NKAIN3: variants seen among roughly 807,000 people sequenced by gnomAD.
The protein encoded by NKAIN3 is sodium/potassium transporting ATPase interacting 3.
Under a neutral mutation model 30.2 loss-of-function variants are expected in NKAIN3, and 25 were observed. The observed-to-expected ratio is 0.83, with a 90% CI of 0.60 to 1.16. The LOEUF (loss-of-function observed/expected upper bound fraction) is 1.16. Ranked by LOEUF, NKAIN3 falls within the 50% of genes most tolerant of loss-of-function variation. The pLI, the probability that NKAIN3 is intolerant of heterozygous loss-of-function variation, is 0.00. For missense variants in NKAIN3, 225 were observed against 254.1 expected (o/e 0.89, Z 0.78); for synonymous variants, 91 against 89.6 (o/e 1.02, Z -0.09).
chr8:62,643,821 GTT>G (rs1173705475), intron 3 of NKAIN3, among the ~76,000 whole-genome samples: 3 of 148,456 alleles, frequency 2.0e-5, no homozygotes, highest in African/African-American at 7.8e-5. Flanking sequence ...ATCTCTTGTT[GTT>G]TTTTATATAT....
At chr8:62,344,647 T>C (rs73684960) in intron 1 of NKAIN3, among the ~76,000 whole-genome samples, 5,952 of 152,048 alleles carry the variant, frequency 0.039, 415 homozygotes, top group African/African-American at 0.14. Flanking sequence ...GTGGGAAGGG[T>C]GAACTGTGAT....
chr8:62,576,689 G>A (rs1453146234), intron 1 of NKAIN3, among the ~76,000 whole-genome samples: 1 of 152,098 alleles, frequency 6.6e-6, no homozygotes, highest in African/African-American at 2.4e-5. Context: ...CATCATGGCA[G>A]ACATCAAGTT....
chr8:62,932,892 G>C (rs1263043071), intron 5 of NKAIN3, among the ~76,000 whole-genome samples: 3 of 151,796 alleles, frequency 2.0e-5, no homozygotes, highest in Non-Finnish European at 4.4e-5. Context: ...CACCCGGCTG[G>C]AGAATTCCAA....
At chr8:62,380,166 G>A (rs1817227177) in intron 1 of NKAIN3, among the ~76,000 whole-genome samples, 1 of 152,228 alleles carries the variant, frequency 6.6e-6, no homozygotes, top group Non-Finnish European at 1.5e-5. Flanking sequence ...TCTGCCTAAA[G>A]AATGAAATAT....
At chr8:62,270,364 G>T (rs770396999) in intron 1 of NKAIN3, among the ~76,000 whole-genome samples, 15 of 152,102 alleles carry the variant, frequency 9.9e-5, no homozygotes, top group Non-Finnish European at 1.6e-4. Context: ...TTACAGTCAT[G>T]AGCCCCTGGG....
chr8:62,885,085 T>G (rs1171728137), intron 4 of NKAIN3, among the ~76,000 whole-genome samples: 1 of 152,194 alleles, frequency 6.6e-6, no homozygotes. Context: ...AGATTATTTA[T>G]TTTATATGTT....
At chr8:62,789,019 CT>C (rs1479738241) in intron 4 of NKAIN3, among the ~76,000 whole-genome samples, 2 of 152,038 alleles carry the variant, frequency 1.3e-5, no homozygotes, top group East Asian at 1.9e-4. Context: ...AATGCGGGCT[CT>C]TTTTTGGTTC....
chr8:62,312,487 C>T (rs1814475442), intron 1 of NKAIN3, among the ~76,000 whole-genome samples: 1 of 150,452 alleles, frequency 6.6e-6, no homozygotes, highest in Non-Finnish European at 1.5e-5. Context: ...GGCAAATATG[C>T]AACCTCCTCA....
intron 3 of NKAIN3, among the ~76,000 whole-genome samples, chr8:62,649,554 G>A (rs1793089811): frequency 6.6e-6 from 1 of 152,098 alleles, no homozygotes; most frequent in Non-Finnish European, 1.5e-5. Context: ...TACTACAGAA[G>A]CAAAAAAATC....
chr8:62,899,364 A>T (rs1400324038), intron 4 of NKAIN3, among the ~76,000 whole-genome samples: 2 of 152,244 alleles, frequency 1.3e-5, no homozygotes, highest in Non-Finnish European at 2.9e-5. Context: ...GATAAAGAAA[A>T]TGTGGTACAT....
intron 1 of NKAIN3, among the ~76,000 whole-genome samples, chr8:62,458,827 T>C (rs1805899480): frequency 6.6e-6 from 1 of 152,214 alleles, no homozygotes; most frequent in Non-Finnish European, 1.5e-5. Flanking sequence ...GGAAAGGGCA[T>C]ATGTGGCTGA....
At chr8:62,914,326 G>A (rs932348891) in intron 4 of NKAIN3, among the ~76,000 whole-genome samples, 7 of 151,984 alleles carry the variant, frequency 4.6e-5, no homozygotes, top group Non-Finnish European at 1.0e-4. Context: ...AGAAACAATA[G>A]ACACTGGGGC....
intron 3 of NKAIN3, among the ~76,000 whole-genome samples, chr8:62,630,603 A>G (rs1469948116): frequency 6.6e-6 from 1 of 152,190 alleles, no homozygotes; most frequent in Non-Finnish European, 1.5e-5. Context: ...CCAGAACACC[A>G]TGCATCCTCT....
chr8:62,919,010 G>A (rs1822191532), intron 5 of NKAIN3, among the ~76,000 whole-genome samples: 1 of 150,390 alleles, frequency 6.6e-6, no homozygotes, highest in Non-Finnish European at 1.5e-5. Flanking sequence ...AAATTTACGA[G>A]GTGCTAAAAA....
chr8:62,890,280 T>G (rs752987943), intron 4 of NKAIN3, among the ~76,000 whole-genome samples: 1 of 152,208 alleles, frequency 6.6e-6, no homozygotes, highest in Non-Finnish European at 1.5e-5. Context: ...ATAAGTATAC[T>G]CAATACCAAA....
chr8:62,899,714 G>A (rs1453695371), intron 4 of NKAIN3, among the ~76,000 whole-genome samples: 1 of 152,006 alleles, frequency 6.6e-6, no homozygotes, highest in African/African-American at 2.4e-5. Flanking sequence ...TAACTTAATT[G>A]TACATTTTAA....
At chr8:62,342,962 GA>G (rs1585701792) in intron 1 of NKAIN3, among the ~76,000 whole-genome samples, 1 of 152,052 alleles carries the variant, frequency 6.6e-6, no homozygotes, top group Non-Finnish European at 1.5e-5. Flanking sequence ...ATACTTACAG[GA>G]AGCATGTCTG....
At chr8:62,661,713 G>A (rs1288258016) in intron 3 of NKAIN3, among the ~76,000 whole-genome samples, 1 of 152,146 alleles carries the variant, frequency 6.6e-6, no homozygotes, top group Non-Finnish European at 1.5e-5. Flanking sequence ...AAGGGCTTGG[G>A]CTCGTGTCCC....
chr8:62,759,460 A>T (rs1816569405), intron 4 of NKAIN3, among the ~76,000 whole-genome samples: 1 of 142,102 alleles, frequency 7.0e-6, no homozygotes, highest in African/African-American at 2.7e-5. Flanking sequence ...GAAGATTTAG[A>T]GTCAGAACAG....
Sources: gnomAD v4.1 joint callset for allele counts (sites outside exome capture counted in the v4.1 genomes callset) on GRCh38, gnomAD v4.1.1 for gene constraint, MANE v1.5 for transcripts, NCBI Gene and HGNC (gene_info 2026-07-23, HGNC 2026-07-21) for gene names.